Variants in PRRC2B observed in about 807,000 individuals in gnomAD.
The protein encoded by PRRC2B is proline rich coiled-coil 2B.
Under a neutral mutation model 242.3 loss-of-function variants are expected in PRRC2B, and 68 were observed. That is an observed-to-expected ratio of 0.28 (90% CI 0.23 to 0.34). The LOEUF is 0.34. Among genes scored for constraint, PRRC2B ranks in the 10% least tolerant of loss-of-function variants. The pLI is 1.00. For synonymous variants in PRRC2B, 1,228 were observed against 1,173.6 expected (o/e 1.05, Z -0.95); for missense variants, 2,835 against 2,954.8 (o/e 0.96, Z 0.94).
chr9:131,464,701 A>AGT, intron 11 of PRRC2B, 62 bp from the exon 12 acceptor site: 1 of 1,421,808 alleles, frequency 7.0e-7, no homozygotes, highest in African/African-American at 1.4e-5. Context: ...CCAAAGTGGG[A>AGT]GTGGTTCCTG....
intron 31 of PRRC2B, 48 bp from the exon 32 acceptor site, chr9:131,495,692 C>T (rs771783913): frequency 2.5e-6 from 4 of 1,581,734 alleles, no homozygotes; most frequent in Admixed American, 3.4e-5. Flanking sequence ...TATCCAAACA[C>T]GTTTCAGCGT....
intron 10 of PRRC2B, among the ~76,000 whole-genome samples, chr9:131,456,370 G>A (rs1464515212): frequency 2.0e-5 from 3 of 151,750 alleles, no homozygotes; most frequent in Admixed American, 6.6e-5. Flanking sequence ...GGTGGCTCAC[G>A]CCTGTAATCC....
chr9:131,427,512 A>T (rs955938981), intron 1 of PRRC2B, among the ~76,000 whole-genome samples: 5 of 152,006 alleles, frequency 3.3e-5, no homozygotes, highest in African/African-American at 1.2e-4. Flanking sequence ...TTGTATTTTT[A>T]GTAGAGAAGG....
intron 1 of PRRC2B, among the ~76,000 whole-genome samples, chr9:131,386,588 C>T (rs979875066): frequency 3.3e-5 from 5 of 150,118 alleles, no homozygotes; most frequent in African/African-American, 4.9e-5. Context: ...GTTTTTCATA[C>T]GCTTATGTCC....
chr9:131,498,519 T>C lies in PRRC2B; in HGVS notation c.*2645T>C, dbSNP rs1183137335. 6.6e-6 allele frequency: 1 copy of C among 152,216 alleles called. No homozygotes were observed. The highest frequency in any genetic ancestry group is 1.5e-5 in the Non-Finnish European group (1 of 68,034). 9.4% of individuals were successfully genotyped at this position (152,216 alleles called of 1,614,324 possible). A position where few individuals can be genotyped will look rare whatever the true frequency, so the allele number is the denominator to read the frequency against. ...TGAAATGCAGTTCTTAGTGCAGAGA[T>C]GTTTTAAGGTGCAATATATCTCTTC... On this transcript the variant is annotated 3_prime_UTR_variant, in exon 32 of 32. Coordinates refer to ENST00000683519, the MANE Select transcript of PRRC2B (RefSeq NM_013318.4).
At chr9:131,449,204 C>G (rs192131881) in intron 9 of PRRC2B, among the ~76,000 whole-genome samples, 3 of 152,126 alleles carry the variant, frequency 2.0e-5, no homozygotes, top group Non-Finnish European at 4.4e-5. Context: ...TTCTATTTCT[C>G]TTGGGTAAGT....
chr9:131,475,671 A>C lies in PRRC2B; in HGVS notation c.3542A>C (p.Asn1181Thr). 6.2e-7 allele frequency: 1 copy of C among 1,611,702 alleles called. No individual in the cohort carries two copies. Among genetic ancestry groups the C allele is most frequent in the Non-Finnish European group, 8.5e-7 (1 of 1,178,924 alleles). The change falls in exon 16 of 32, where the codon AAC (asparagine) becomes ACC (threonine). Residue 1181 changes from asparagine (N) to threonine (T), a missense_variant. By Grantham distance (65) the Asn-to-Thr change is moderately conservative. Coordinates refer to ENST00000683519, the MANE Select transcript of PRRC2B (RefSeq NM_013318.4). ...KGDCRDSWRS[N>T]KGCSEDHSGL... is the part of the protein sequence containing the mutation. ...GACTGCAGAGATTCTTGGCGGTCCA[A>C]CAAGGGGTGCTCTGAGGACCACAGC...
chr9:131,462,240 C>T (rs1192189605), intron 11 of PRRC2B, among the ~76,000 whole-genome samples: 1 of 152,018 alleles, frequency 6.6e-6, no homozygotes, highest in Non-Finnish European at 1.5e-5. Flanking sequence ...TGAGACAGAG[C>T]CTCACTTTGT....
rs1344565414 is a variant in PRRC2B, at chr9:131,471,048, C to T, written c.2107+65C>T. ...AGGATAGCGTGGTGGTCAAGGGTGT[C>T]CTCTCGAGTTAAACAGATACACCTG... On this transcript the variant is annotated intron_variant, in intron 14 of 31. Coordinates refer to ENST00000683519, the MANE Select transcript of PRRC2B (RefSeq NM_013318.4). The T allele has an allele frequency of 2.5e-6, 3 of 1,204,870 alleles. No homozygotes were observed. In the Admixed American group the frequency reaches 7.9e-5, roughly 32 times the overall value. The allele number at this position is 1,204,870 out of a possible 1,614,324, so 74.6% of individuals were successfully genotyped here. A position where few individuals can be genotyped will look rare whatever the true frequency, so the allele number is the denominator to read the frequency against.
intron 11 of PRRC2B, among the ~76,000 whole-genome samples, chr9:131,462,243 C>T (rs1943261457): frequency 6.6e-6 from 1 of 152,118 alleles, no homozygotes; most frequent in African/African-American, 2.4e-5. Context: ...GACAGAGCCT[C>T]ACTTTGTCAT....
At chr9:131,392,101 TTC>T (rs1230254632), upstream of PRRC2B, among the ~76,000 whole-genome samples, 5 of 150,144 alleles carry the variant, frequency 3.3e-5, no homozygotes, top group African/African-American at 7.3e-5. Flanking sequence ...TTTATTTTCT[TTC>T]TTTTTTTTTT....
chr9:131,483,773 G>GC (rs1943938323), intron 23 of PRRC2B, among the ~76,000 whole-genome samples: 1 of 152,164 alleles, frequency 6.6e-6, no homozygotes. Context: ...TCCTCAGGAG[G>GC]CCCCATCTCA....
In PRRC2B at chr9:131,487,812, T is replaced by C; in HGVS notation, c.5985-44T>C. On this transcript the variant is annotated intron_variant, in intron 27 of 31. Transcript: ENST00000683519. This position sits in a 1 kb window ranked among gnomAD's most constrained non-coding sequence, Gnocchi z 5.3. ...TGAAGGGTGGGACCAGATCCGCAGC[T>C]GGACTCATCCACCTGATCCCGACCA... The C allele has an allele frequency of 6.3e-7, 1 of 1,579,878 alleles. No homozygotes were observed. Among genetic ancestry groups the C allele is most frequent in the East Asian group, 2.3e-5 (1 of 44,238 alleles).
Position 131,446,662 on chromosome 9 carries a change from T to G in PRRC2B, c.855+20T>G. The G allele has an allele frequency of 6.2e-7, 1 of 1,605,354 alleles. No homozygotes were observed. On this transcript the variant is annotated intron_variant, in intron 7 of 31. Coordinates refer to ENST00000683519, the MANE Select transcript of PRRC2B (RefSeq NM_013318.4). The surrounding 1 kb of genome is among the most constrained non-coding windows in gnomAD (Gnocchi z 4.1). ...GCTTTTGTAAGTCTTCAGAGTGTAC[T>G]TTTTTTCCCCCCATGAAGTTGGATT...
chr9:131,459,148 A>G lies in PRRC2B; in HGVS notation c.1212-16A>G, dbSNP rs1943168356. The G allele has an allele frequency of 1.9e-6, 3 of 1,607,354 alleles. No homozygotes were observed. The highest frequency in any genetic ancestry group is 1.7e-6 in the Non-Finnish European group (2 of 1,174,802). On this transcript the variant is annotated splice_polypyrimidine_tract_variant and intron_variant, in intron 10 of 31. Transcript: ENST00000683519. Reference sequence around the variant, plus strand: ...CCTGAGTGCAAAAACTTAACATCAAATGTGGTTTGTCCTAGGAACAGTTGG... The same window carrying G: ...CCTGAGTGCAAAAACTTAACATCAAGTGTGGTTTGTCCTAGGAACAGTTGG...
intron 1 of PRRC2B, among the ~76,000 whole-genome samples, chr9:131,395,065 G>A (rs980749415): frequency 7.9e-5 from 12 of 151,974 alleles, no homozygotes; most frequent in African/African-American, 2.9e-4. Flanking sequence ...CTTAAGAGGT[G>A]GATTTTTTTC....
chr9:131,412,537 G>A (rs569787539), intron 1 of PRRC2B, among the ~76,000 whole-genome samples: 23 of 152,324 alleles, frequency 1.5e-4, no homozygotes, highest in African/African-American at 5.3e-4. Flanking sequence ...ACTGGGTCAT[G>A]GGTGAGCATA....
chr9:131,402,711 T>C (rs1336859845), intron 1 of PRRC2B, among the ~76,000 whole-genome samples: 1 of 152,052 alleles, frequency 6.6e-6, no homozygotes, highest in Non-Finnish European at 1.5e-5. Flanking sequence ...TTCTGGAAAA[T>C]GTAGCTGACT....
At chr9:131,426,484 C>T (rs942826344) in intron 1 of PRRC2B, among the ~76,000 whole-genome samples, 69 of 152,138 alleles carry the variant, frequency 4.5e-4, no homozygotes, top group African/African-American at 1.5e-3. Context: ...GCCCACGGAA[C>T]GATGCTCTTA....
Sources: gnomAD v4.1 joint callset for allele counts (sites outside exome capture counted in the v4.1 genomes callset) on GRCh38, gnomAD v4.1.1 for gene constraint, Gnocchi (gnomAD v3.1) non-coding constraint, MANE v1.5 for transcripts, NCBI Gene and HGNC (gene_info 2026-07-23, HGNC 2026-07-21) for gene names.